RIMS4: variants seen among roughly 807,000 people sequenced by gnomAD.
RIMS4 encodes the protein regulating synaptic membrane exocytosis 4, also known as regulating synaptic membrane exocytosis protein 4.
A neutral mutation model predicts 29.0 loss-of-function variants in RIMS4; 9 were observed. That is an observed-to-expected ratio of 0.31 (90% confidence interval 0.19 to 0.54). The LOEUF (loss-of-function observed/expected upper bound fraction) is 0.54, where lower values mean the gene tolerates loss of function less well. RIMS4 is among the 20% of genes least tolerant of loss of function. The probability of loss-of-function intolerance (pLI) is 0.94; values close to 1 mark genes in which losing one functional copy is unlikely to be tolerated. For synonymous variants in RIMS4, 130 were observed against 152.9 expected (o/e 0.85, Z 1.10); for missense variants, 193 against 365.7 (o/e 0.53, Z 3.85).
At chr20:44,759,304 C>G (rs1470462635) in intron 2 of RIMS4, among the ~76,000 whole-genome samples, 1 of 152,036 alleles carries the variant, frequency 6.6e-6, no homozygotes, top group Non-Finnish European at 1.5e-5. Flanking sequence ...GTCTGGAGTG[C>G]AGTGGCACGG....
chr20:44,791,924 A>G (rs1393227203), intron 1 of RIMS4, among the ~76,000 whole-genome samples: 2 of 152,078 alleles, frequency 1.3e-5, no homozygotes, highest in African/African-American at 4.8e-5. Context: ...TTCCTAATGT[A>G]CCTGCTTTGC....
At chr20:44,771,869 G>A (rs2066139030) in intron 1 of RIMS4, among the ~76,000 whole-genome samples, 1 of 152,028 alleles carries the variant, frequency 6.6e-6, no homozygotes, top group Non-Finnish European at 1.5e-5. Flanking sequence ...CAGTATCCCT[G>A]GCCTTTGCCC....
intron 1 of RIMS4, among the ~76,000 whole-genome samples, chr20:44,804,126 A>T (rs2066288181): frequency 6.6e-6 from 1 of 152,216 alleles, no homozygotes; most frequent in South Asian, 2.1e-4. Context: ...AACTGCTCTA[A>T]GCTGCCTGGC....
Position 44,756,873 on chromosome 20 carries a change from ACG to A in RIMS4, c.591+23_591+24del, listed in dbSNP as rs1485614250. 2 of 1,610,734 alleles carry A rather than the reference ACG, an allele frequency of 1.2e-6. No homozygotes were observed. The highest frequency in any genetic ancestry group is 1.3e-5 in the African/African-American group (1 of 74,940). On this transcript the variant is annotated intron_variant, in intron 5 of 5. Coordinates refer to ENST00000372851, the MANE Select transcript of RIMS4 (RefSeq NM_182970.4). This position sits in a 1 kb window ranked among gnomAD's most constrained non-coding sequence, Gnocchi z 5.9. The stretch of plus-strand genomic sequence containing the variant: ...CATGTGTGCTCGTGCACACACACAC[ACG>A]TGAGCGCGTCAATGCCCCTCACCTG...
chr20:44,756,534 A>G lies in RIMS4; in HGVS notation c.592-182T>C, dbSNP rs1381929978. On this transcript the variant is annotated intron_variant, in intron 5 of 5. Coordinates refer to ENST00000372851, the MANE Select transcript of RIMS4 (RefSeq NM_182970.4). The surrounding 1 kb of genome is among the most constrained non-coding windows in gnomAD (Gnocchi z 5.9). ...ATCACACCAAGCCCCTGGCCTCCAG[A>G]GGCTGTTGATGGTAATGGTGACGGT... is the stretch of plus-strand genomic sequence containing the variant. Among the ~76,000 whole-genome samples, 2 of 152,134 alleles carry G rather than the reference A, an allele frequency of 1.3e-5. No individual in the cohort carries two copies. The highest frequency in any genetic ancestry group is 6.5e-5 in the Admixed American group (1 of 15,286).
At chr20:44,773,601 C>A (rs899398811) in intron 1 of RIMS4, among the ~76,000 whole-genome samples, 2 of 152,132 alleles carry the variant, frequency 1.3e-5, no homozygotes, top group Non-Finnish European at 2.9e-5. Context: ...TGTTCAGGTG[C>A]CCCCACCCCG....
At chr20:44,781,410 A>T (rs2066184148) in intron 1 of RIMS4, among the ~76,000 whole-genome samples, 1 of 152,248 alleles carries the variant, frequency 6.6e-6, no homozygotes, top group Non-Finnish European at 1.5e-5. Flanking sequence ...TCTGGGTTGT[A>T]AGCAGAATTG....
At chr20:44,796,297 C>G (rs1403194357) in intron 1 of RIMS4, among the ~76,000 whole-genome samples, 1 of 152,152 alleles carries the variant, frequency 6.6e-6, no homozygotes, top group Admixed American at 6.5e-5. Context: ...TGTCCAACAA[C>G]CCCCCTCACC....
At chr20:44,796,321 T>C (rs1391081565) in intron 1 of RIMS4, among the ~76,000 whole-genome samples, 1 of 152,134 alleles carries the variant, frequency 6.6e-6, no homozygotes, top group Non-Finnish European at 1.5e-5. Context: ...GGAACCAGAA[T>C]GTAATTCCAT....
chr20:44,773,782 TC>T (rs1321172167), intron 1 of RIMS4, among the ~76,000 whole-genome samples: 2 of 152,052 alleles, frequency 1.3e-5, no homozygotes, highest in Non-Finnish European at 2.9e-5. Context: ...CAGCCCTGGC[TC>T]CCCACACAGG....
intron 2 of RIMS4, among the ~76,000 whole-genome samples, chr20:44,760,836 CAATT>C (rs2066081476): frequency 6.6e-6 from 1 of 152,008 alleles, no homozygotes; most frequent in Non-Finnish European, 1.5e-5. Context: ...ATATTACACA[CAATT>C]AATATCATAA....
intron 1 of RIMS4, among the ~76,000 whole-genome samples, chr20:44,800,129 C>T (rs909639693): frequency 6.6e-6 from 1 of 152,206 alleles, no homozygotes; most frequent in Non-Finnish European, 1.5e-5. Flanking sequence ...CCATGCTATA[C>T]TGCCTAGTGC....
At chr20:44,774,103 TACC>T (rs1398654828) in intron 1 of RIMS4, among the ~76,000 whole-genome samples, 10 of 152,036 alleles carry the variant, frequency 6.6e-5, no homozygotes, top group Non-Finnish European at 1.3e-4. Flanking sequence ...ATCCAACCTC[TACC>T]ACCTACCCCT....
At chr20:44,790,310 A>G (rs750953067) in intron 1 of RIMS4, among the ~76,000 whole-genome samples, 1 of 152,208 alleles carries the variant, frequency 6.6e-6, no homozygotes, top group Non-Finnish European at 1.5e-5. Flanking sequence ...TAAAAAACAT[A>G]TGATTTGCCC....
chr20:44,787,934 G>A (rs886607330), intron 1 of RIMS4, among the ~76,000 whole-genome samples: 7 of 152,162 alleles, frequency 4.6e-5, no homozygotes, highest in South Asian at 2.1e-4. Context: ...TTGTAGAATC[G>A]TATCTCATTT....
chr20:44,789,623 C>T (rs908993609), intron 1 of RIMS4, among the ~76,000 whole-genome samples: 1 of 152,134 alleles, frequency 6.6e-6, no homozygotes, highest in African/African-American at 2.4e-5. Flanking sequence ...ATGACACAAT[C>T]GCAGCTCACT....
intron 2 of RIMS4, among the ~76,000 whole-genome samples, chr20:44,763,930 TTCACTACATGC>T (rs1404104456): frequency 6.6e-6 from 1 of 152,158 alleles, no homozygotes; most frequent in African/African-American, 2.4e-5. Context: ...TGTCCATCCA[TTCACTACATGC>T]TCACCTATCC....
At chr20:44,802,938 A>G (rs1022658848) in intron 1 of RIMS4, among the ~76,000 whole-genome samples, 5 of 152,116 alleles carry the variant, frequency 3.3e-5, no homozygotes, top group African/African-American at 1.2e-4. Context: ...CTCTGCCTGG[A>G]ACACTCTTCC....
At chr20:44,773,017 TTC>T (rs2066143741) in intron 1 of RIMS4, among the ~76,000 whole-genome samples, 1 of 116,136 alleles carries the variant, frequency 8.6e-6, no homozygotes, top group Non-Finnish European at 1.7e-5. Context: ...AGCCTCGTAT[TTC>T]TGTCTCCCAC....
Sources: allele counts gnomAD v4.1 joint callset (sites outside exome capture counted in the v4.1 genomes callset), GRCh38; gene constraint gnomAD v4.1.1; non-coding constraint Gnocchi (gnomAD v3.1); transcripts MANE v1.5; gene names NCBI Gene and HGNC (gene_info 2026-07-23, HGNC 2026-07-21).